The following GALNTL6 variants were observed in gnomAD, a reference collection of about 807,000 sequenced individuals.
GALNTL6 encodes the protein polypeptide N-acetylgalactosaminyltransferase like 6.
In GALNTL6, 46 loss-of-function variants were observed where a neutral mutation model predicts 73.7. The ratio of observed to expected loss-of-function variants is 0.62; its 90% confidence interval spans 0.49 to 0.80. The LOEUF is 0.80. Ranked by LOEUF, GALNTL6 falls within the 30% of genes least tolerant of loss-of-function variation. The pLI, the probability that GALNTL6 is intolerant of heterozygous loss-of-function variation, is 0.00. For missense variants in GALNTL6, 604 were observed against 755.0 expected, an observed-to-expected ratio of 0.80 and a Z score of 2.34; for synonymous variants, 259 against 263.7, an observed-to-expected ratio of 0.98 and a Z score of 0.17.
intron 2 of GALNTL6, among the ~76,000 whole-genome samples, chr4:171,988,455 G>A (rs1465152845): frequency 6.6e-6 from 1 of 152,184 alleles, no homozygotes; most frequent in Non-Finnish European, 1.5e-5. Context: ...GTCAGTCTAA[G>A]TGAAAGCGAA....
intron 5 of GALNTL6, among the ~76,000 whole-genome samples, chr4:172,371,269 G>A (rs147052730): frequency 2.0e-5 from 3 of 152,136 alleles, no homozygotes; most frequent in Admixed American, 6.5e-5. Context: ...ATGTCTGGTC[G>A]GAACTTCCTA....
chr4:172,220,957 AG>A (rs1444890692), intron 2 of GALNTL6, among the ~76,000 whole-genome samples: 1 of 151,888 alleles, frequency 6.6e-6, no homozygotes, highest in Non-Finnish European at 1.5e-5. Context: ...GGCATATTTT[AG>A]GAATATGAAA....
At position 172,344,411 on chromosome 4, in the gene GALNTL6, A is replaced by G. The variant is rs112523253; in HGVS notation, c.387-4112A>G. ...TGCTAGAATGACCGAATAAAATTCA[A>G]TCAGATTAAGTGCTTTTACAAAGGA... On this transcript the variant is annotated intron_variant, in intron 4 of 12. Transcript: ENST00000506823. 4.3e-3 allele frequency among the ~76,000 whole-genome samples: 655 copies of G among 152,302 alleles called. 1 individual carries two copies. The highest frequency in any genetic ancestry group is 7.4e-3 in the Non-Finnish European group (504 of 68,008).
chr4:172,951,770 G>T (rs1351842236), intron 9 of GALNTL6, among the ~76,000 whole-genome samples: 2 of 152,170 alleles, frequency 1.3e-5, no homozygotes, highest in Non-Finnish European at 2.9e-5. Context: ...ATGTAATAGT[G>T]AGCTGAATCT....
intron 2 of GALNTL6, among the ~76,000 whole-genome samples, chr4:172,112,108 G>A (rs1314157789): frequency 2.6e-5 from 4 of 151,828 alleles, no homozygotes; most frequent in African/African-American, 4.8e-5. Context: ...TTTAACTGTC[G>A]CCTGAGTTAT....
At chr4:172,608,483 G>C (rs1243403594) in intron 5 of GALNTL6, among the ~76,000 whole-genome samples, 1 of 152,008 alleles carries the variant, frequency 6.6e-6, no homozygotes, top group Admixed American at 6.6e-5. Flanking sequence ...TGTTCCATTG[G>C]TCTATATGTC....
In GALNTL6 at chr4:173,040,071, G is replaced by A. The variant is rs756420086; in HGVS notation, c.1777G>A (p.Glu593Lys). ...TGAACACATTAATATGACTGTTTTAGAAAAATTTAACCACCATGCCAACTC... is the reference window on the plus strand; with the variant it reads ...TGAACACATTAATATGACTGTTTTAAAAAAATTTAACCACCATGCCAACTC... ...IFEHINMTVL[E>K]KFNHHANS Residue 593 changes from glutamate to lysine, a missense_variant, in exon 13 of 13, where the codon GAA becomes AAA. Glu to Lys is a moderately conservative substitution (Grantham distance 56, BLOSUM62 1). This residue lies in a region of GALNTL6 where 261 missense variants were observed against 296.5 expected (regional missense o/e 0.88). Transcript: ENST00000506823. 1 of 1,612,978 alleles carries A rather than the reference G, an allele frequency of 6.2e-7. No individual in the cohort carries two copies. Among genetic ancestry groups the A allele is most frequent in the African/African-American group, 1.3e-5 (1 of 74,948 alleles).
chr4:172,207,039 A>G (rs28589865), intron 2 of GALNTL6, among the ~76,000 whole-genome samples: 19,985 of 150,616 alleles, frequency 0.13, 1,926 homozygotes, highest in African/African-American at 0.27. Context: ...GGATGATCTC[A>G]ATCTCCTGAC....
Position 172,469,754 on chromosome 4 carries a change from A to G in GALNTL6, c.553+121065A>G, listed in dbSNP as rs17226553. Among the ~76,000 whole-genome samples, 1,369 of 152,370 alleles carry G rather than the reference A, an allele frequency of 9.0e-3. 10 individuals are homozygous for G. Among genetic ancestry groups the G allele is most frequent in the Admixed American group, 0.032 (486 of 15,306 alleles). On this transcript the variant is annotated intron_variant, in intron 5 of 12. Transcript: ENST00000506823. The stretch of plus-strand genomic sequence containing the variant: ...ACTGAATATTATTGGTGGATCTATA[A>G]TGTTTGCTTAAATTGCTTTTCACGT...
intron 3 of GALNTL6, among the ~76,000 whole-genome samples, chr4:172,307,735 A>G (rs1350519978): frequency 6.6e-6 from 1 of 152,152 alleles, no homozygotes; most frequent in African/African-American, 2.4e-5. Flanking sequence ...TTATACCAGT[A>G]CCATGCTGTT....
chr4:172,890,401 G>C (rs1745969562), intron 8 of GALNTL6, among the ~76,000 whole-genome samples: 1 of 152,012 alleles, frequency 6.6e-6, no homozygotes, highest in Admixed American at 6.6e-5. Flanking sequence ...AATACTGCTT[G>C]TGCTGCGTCC....
At chr4:172,062,052 C>G (rs76284816) in intron 2 of GALNTL6, among the ~76,000 whole-genome samples, 1 of 148,070 alleles carries the variant, frequency 6.8e-6, no homozygotes, top group East Asian at 2.0e-4. Context: ...CAGGTTCAAA[C>G]GATTCTCCTG....
intron 2 of GALNTL6, among the ~76,000 whole-genome samples, chr4:172,224,754 A>G (rs769009294): frequency 6.6e-6 from 1 of 152,102 alleles, no homozygotes; most frequent in Non-Finnish European, 1.5e-5. Flanking sequence ...TCTGTCCCCA[A>G]AAGGTGCTTG....
chr4:172,772,882 T>TAAGAGGGAAG (rs1483911915), intron 5 of GALNTL6, among the ~76,000 whole-genome samples: 2 of 152,100 alleles, frequency 1.3e-5, no homozygotes, highest in Non-Finnish European at 2.9e-5. Context: ...AGTGTCCTTA[T>TAAGAGGGAAG]AAGAGGGAAG....
At chr4:172,375,016 C>A (rs535946510) in intron 5 of GALNTL6, among the ~76,000 whole-genome samples, 1 of 152,146 alleles carries the variant, frequency 6.6e-6, no homozygotes, top group Non-Finnish European at 1.5e-5. Flanking sequence ...GAGGACATAA[C>A]CGATAGCCTG....
intron 2 of GALNTL6, among the ~76,000 whole-genome samples, chr4:171,866,380 TTA>T (rs1271232610): frequency 6.6e-6 from 1 of 152,138 alleles, no homozygotes; most frequent in Admixed American, 6.5e-5. Context: ...CAGTGAAATA[TTA>T]TTGAAGAAAA....
At chr4:172,552,174 C>G (rs1043305923) in intron 5 of GALNTL6, among the ~76,000 whole-genome samples, 1 of 152,004 alleles carries the variant, frequency 6.6e-6, no homozygotes, top group African/African-American at 2.4e-5. Context: ...TCAATAGATA[C>G]GTATCTTTTT....
chr4:171,986,722 C>G (rs376100882), intron 2 of GALNTL6, among the ~76,000 whole-genome samples: 1 of 151,880 alleles, frequency 6.6e-6, no homozygotes, highest in African/African-American at 2.4e-5. Flanking sequence ...GCCTGGATAC[C>G]GTTTTGTATG....
chr4:172,848,685 T>A (rs1424771812), intron 7 of GALNTL6, among the ~76,000 whole-genome samples: 1 of 152,156 alleles, frequency 6.6e-6, no homozygotes, highest in Non-Finnish European at 1.5e-5. Context: ...CTAATGCACA[T>A]TAAAAGGGTT....
Sources: allele counts gnomAD v4.1 joint callset (sites outside exome capture counted in the v4.1 genomes callset), GRCh38; gene constraint gnomAD v4.1.1; regional missense constraint gnomAD v4.1.1; transcripts MANE v1.5; gene names NCBI Gene and HGNC (gene_info 2026-07-23, HGNC 2026-07-21).